Variants in DNM3 observed in about 807,000 individuals in gnomAD.
DNM3 encodes the protein dynamin-3.
A neutral mutation model predicts 101.6 loss-of-function variants in DNM3; 47 were observed. That is an observed-to-expected ratio of 0.46 (90% confidence interval 0.37 to 0.59). The LOEUF (loss-of-function observed/expected upper bound fraction) is 0.59, where lower values mean the gene tolerates loss of function less well. DNM3 is among the 20% of genes least tolerant of loss of function. DNM3 has a pLI of 0.00. For synonymous variants in DNM3, 385 were observed against 387.9 expected (o/e 0.99, Z 0.09); for missense variants, 849 against 1,085.7 (o/e 0.78, Z 3.06).
At chr1:172,263,352 C>T (rs2148719935) in intron 15 of DNM3, among the ~76,000 whole-genome samples, 1 of 152,178 alleles carries the variant, frequency 6.6e-6, no homozygotes, top group East Asian at 1.9e-4. Context: ...GTATCCGTTC[C>T]AAAGTATCAA....
chr1:172,253,854 A>G (rs1239112905), intron 15 of DNM3, among the ~76,000 whole-genome samples, 172 bp downstream of exon 15: 2 of 152,152 alleles, frequency 1.3e-5, no homozygotes, highest in East Asian at 3.8e-4. Context: ...TATGGCTTCA[A>G]AATATAAAAA....
At chr1:172,014,210 T>C (rs1409459747) in intron 4 of DNM3, among the ~76,000 whole-genome samples, 2 of 152,108 alleles carry the variant, frequency 1.3e-5, no homozygotes, top group East Asian at 3.9e-4. Flanking sequence ...AAGGAACAAA[T>C]TAATGTCATT....
chr1:172,009,070 T>C, intron 4 of DNM3, among the ~76,000 whole-genome samples: 1 of 138,992 alleles, frequency 7.2e-6, no homozygotes, highest in Non-Finnish European at 1.5e-5. Flanking sequence ...ATTATATGTA[T>C]TTATATATTA....
intron 14 of DNM3, among the ~76,000 whole-genome samples, chr1:172,154,547 C>T (rs1036394240): frequency 1.3e-5 from 2 of 152,070 alleles, no homozygotes; most frequent in South Asian, 2.1e-4. Context: ...CATTTCTGTA[C>T]TGCATTTTGT....
chr1:172,167,173 G>A (rs777343897), intron 14 of DNM3, among the ~76,000 whole-genome samples: 17 of 152,020 alleles, frequency 1.1e-4, no homozygotes, highest in Non-Finnish European at 2.2e-4. Context: ...TGCAGTGTTT[G>A]GTTTTCTGTC....
intron 15 of DNM3, among the ~76,000 whole-genome samples, chr1:172,266,920 C>G (rs1316998848): frequency 3.3e-5 from 5 of 152,106 alleles, no homozygotes; most frequent in Non-Finnish European, 7.4e-5. Context: ...CATGCTTTAT[C>G]CTTAGTCAGA....
chr1:172,365,630 A>G (rs1420548389), intron 17 of DNM3, among the ~76,000 whole-genome samples: 1 of 151,958 alleles, frequency 6.6e-6, no homozygotes, highest in Non-Finnish European at 1.5e-5. Context: ...AAAAATGTTT[A>G]AATTGTCATT....
At chr1:172,342,123 G>T (rs182145996) in intron 17 of DNM3, among the ~76,000 whole-genome samples, 176 of 152,284 alleles carry the variant, frequency 1.2e-3, no homozygotes, top group African/African-American at 3.9e-3. Context: ...TGGTGGCGAG[G>T]TTGCAGAGAA....
chr1:172,391,761 G>A (rs1341627803), intron 20 of DNM3, among the ~76,000 whole-genome samples: 1 of 151,108 alleles, frequency 6.6e-6, no homozygotes, highest in East Asian at 1.9e-4. Flanking sequence ...TTCTCCTCTT[G>A]TATCTGAAAC....
intron 14 of DNM3, among the ~76,000 whole-genome samples, chr1:172,230,785 C>G (rs764896823): frequency 2.6e-5 from 4 of 152,202 alleles, no homozygotes; most frequent in Non-Finnish European, 2.9e-5. Flanking sequence ...CTAGCCATAT[C>G]CTGCTGCATT....
chr1:172,342,221 C>T (rs1369998597), intron 17 of DNM3, among the ~76,000 whole-genome samples: 1 of 152,038 alleles, frequency 6.6e-6, no homozygotes, highest in Non-Finnish European at 1.5e-5. Context: ...AGAATAAAAA[C>T]AGAATTACAA....
At chr1:172,323,068 A>G (rs1439862240) in intron 16 of DNM3, among the ~76,000 whole-genome samples, 1 of 152,140 alleles carries the variant, frequency 6.6e-6, no homozygotes, top group African/African-American at 2.4e-5. Context: ...CAACTGTTCT[A>G]AGTTTCTGCT....
rs1452801529 is a variant in DNM3 at position 172,297,420 on chromosome 1, T to C, written c.1770-11308T>C. 2.0e-5 allele frequency among the ~76,000 whole-genome samples: 3 copies of C among 152,192 alleles called. No homozygotes were observed. The South Asian group carries it at 6.2e-4, about 31-fold the overall frequency. On this transcript the variant is annotated intron_variant, in intron 15 of 20. Coordinates refer to ENST00000627582, the MANE Select transcript of DNM3 (RefSeq NM_015569.5). Reference sequence around the variant, plus strand: ...CCATTTCCCCCCTTAATTAGGATTGTAAGTGTATTATCTACTGGTAAAGGG... The same window carrying C: ...CCATTTCCCCCCTTAATTAGGATTGCAAGTGTATTATCTACTGGTAAAGGG...
intron 15 of DNM3, among the ~76,000 whole-genome samples, chr1:172,271,471 A>C (rs924232825): frequency 3.3e-5 from 5 of 152,084 alleles, no homozygotes; most frequent in Non-Finnish European, 5.9e-5. Context: ...TGTGTAGTTT[A>C]ACAGAAGACA....
chr1:172,033,472 G>T (rs898246063), intron 6 of DNM3, among the ~76,000 whole-genome samples: 1 of 152,056 alleles, frequency 6.6e-6, no homozygotes, highest in Non-Finnish European at 1.5e-5. Flanking sequence ...ATTATTGCAA[G>T]AACAATTATC....
chr1:172,203,247 A>T (rs1317267405), intron 14 of DNM3, among the ~76,000 whole-genome samples: 1 of 152,138 alleles, frequency 6.6e-6, no homozygotes, highest in African/African-American at 2.4e-5. Flanking sequence ...CTGAGCCACA[A>T]GCTGCTCTTT....
At chr1:171,899,833 A>C (rs2038144213) in intron 1 of DNM3, among the ~76,000 whole-genome samples, 1 of 152,220 alleles carries the variant, frequency 6.6e-6, no homozygotes, top group African/African-American at 2.4e-5. Context: ...AGGTTTCTAC[A>C]AATAACATGG....
At position 172,081,925 on chromosome 1, in the gene DNM3, A is replaced by T. The variant is rs116869645; in HGVS notation, c.1493+23A>T. ...AAAGTACGTGAAACACTTGATGGCC[A>T]CATGCATTCCTCCTGTTGATTTGTC... is the stretch of plus-strand genomic sequence containing the variant. On this transcript the variant is annotated intron_variant, in intron 12 of 20. Transcript: ENST00000627582. 9.7e-4 allele frequency: 1,566 copies of T among 1,607,564 alleles called. 25 individuals carry two copies. The East Asian group carries it at 0.029, about 29-fold the overall frequency.
intron 14 of DNM3, among the ~76,000 whole-genome samples, chr1:172,182,178 T>A (rs1348009801): frequency 1.3e-5 from 2 of 151,254 alleles, no homozygotes; most frequent in Admixed American, 1.3e-4. Context: ...GACAACATTT[T>A]ATAGTTTTTT....
Sources: allele counts gnomAD v4.1 joint callset (sites outside exome capture counted in the v4.1 genomes callset), GRCh38; gene constraint gnomAD v4.1.1; transcripts MANE v1.5; gene names NCBI Gene and HGNC (gene_info 2026-07-23, HGNC 2026-07-21).